FNIP1: variants seen among roughly 807,000 people sequenced by gnomAD.
FNIP1 encodes folliculin interacting protein 1.
FNIP1 carries 40 observed loss-of-function variants against 124.5 expected under a neutral mutation model. That is an observed-to-expected ratio of 0.32 (90% CI 0.25 to 0.42). The LOEUF (loss-of-function observed/expected upper bound fraction) is 0.42, where lower values mean the gene tolerates loss of function less well. Among genes scored for constraint, FNIP1 ranks in the 10% least tolerant of loss-of-function variants. The pLI, the probability that FNIP1 is intolerant of heterozygous loss-of-function variation, is 1.00. For synonymous variants in FNIP1, 472 were observed against 470.6 expected (o/e 1.00, Z -0.04); for missense variants, 1,176 against 1,403.7 (o/e 0.84, Z 2.59).
At chr5:131,776,233 A>C (rs1033185745) in intron 1 of FNIP1, among the ~76,000 whole-genome samples, 12 of 152,316 alleles carry the variant, frequency 7.9e-5, no homozygotes, top group Admixed American at 7.2e-4. Context: ...AGTTTTATCT[A>C]TATCTTCTAC....
intron 1 of FNIP1, among the ~76,000 whole-genome samples, chr5:131,775,964 C>A (rs1218406445): frequency 6.6e-6 from 1 of 152,128 alleles, no homozygotes; most frequent in Non-Finnish European, 1.5e-5. Context: ...TATAGATATG[C>A]CACATTTTTA....
chr5:131,743,041 C>T (rs1243503990), intron 2 of FNIP1, among the ~76,000 whole-genome samples: 1 of 151,942 alleles, frequency 6.6e-6, no homozygotes, highest in African/African-American at 2.4e-5. Context: ...AACAAATACA[C>T]ATACGAATAC....
chr5:131,715,353 G>A (rs992160739), intron 6 of FNIP1, among the ~76,000 whole-genome samples: 10 of 152,078 alleles, frequency 6.6e-5, no homozygotes, highest in African/African-American at 2.4e-4. Flanking sequence ...GGGTGTGATG[G>A]CGCGTGCCTG....
intron 8 of FNIP1, among the ~76,000 whole-genome samples, chr5:131,707,259 A>G (rs1769145040): frequency 6.6e-6 from 1 of 152,064 alleles, no homozygotes; most frequent in South Asian, 2.1e-4. Context: ...AGGCTAGGAG[A>G]TTTTCATCAG....
At chr5:131,708,039 T>C (rs1769171753) in intron 8 of FNIP1, among the ~76,000 whole-genome samples, 1 of 152,144 alleles carries the variant, frequency 6.6e-6, no homozygotes, top group Non-Finnish European at 1.5e-5. Flanking sequence ...AAGATGAGAT[T>C]ACTTGAAAAA....
intron 1 of FNIP1, among the ~76,000 whole-genome samples, chr5:131,767,129 T>A (rs549731756): frequency 8.7e-4 from 132 of 152,166 alleles, no homozygotes; most frequent in African/African-American, 3.1e-3. Context: ...TCTCCTACTA[T>A]CAGGCTTAAA....
chr5:131,768,326 T>C (rs1478322319), intron 1 of FNIP1, among the ~76,000 whole-genome samples: 1 of 152,210 alleles, frequency 6.6e-6, no homozygotes. Context: ...GAAATGTACC[T>C]GGCCTATGTG....
intron 17 of FNIP1, among the ~76,000 whole-genome samples, chr5:131,645,155 AC>A (rs1766843802): frequency 6.6e-6 from 1 of 152,016 alleles, no homozygotes; most frequent in Non-Finnish European, 1.5e-5. Context: ...CCCTGTCTCC[AC>A]AAAAAAATTT....
At chr5:131,749,886 G>A (rs1255601631) in intron 1 of FNIP1, among the ~76,000 whole-genome samples, 2 of 152,042 alleles carry the variant, frequency 1.3e-5, no homozygotes, top group Admixed American at 1.3e-4. Context: ...ACCATCTAGT[G>A]TGTGTAAGTA....
At chr5:131,741,385 A>T (rs1770508915) in intron 2 of FNIP1, among the ~76,000 whole-genome samples, 1 of 152,232 alleles carries the variant, frequency 6.6e-6, no homozygotes, top group Admixed American at 6.5e-5. Flanking sequence ...CATGCAAAGT[A>T]CTTTGGTTTC....
chr5:131,732,648 G>A (rs1446231826), intron 2 of FNIP1, among the ~76,000 whole-genome samples: 1 of 152,130 alleles, frequency 6.6e-6, no homozygotes. Context: ...GTTGATGTGT[G>A]GTATTATTTC....
chr5:131,712,315 C>G (rs1162486191), intron 6 of FNIP1, among the ~76,000 whole-genome samples: 1 of 152,184 alleles, frequency 6.6e-6, no homozygotes, highest in African/African-American at 2.4e-5. Flanking sequence ...CTTATTCTGT[C>G]AACACTTAAA....
Position 131,796,846 on chromosome 5 carries a change from G to A in FNIP1, c.76C>T (p.Pro26Ser), listed in dbSNP as rs775871867. 3 of 1,598,170 alleles carry A rather than the reference G, an allele frequency of 1.9e-6. No individual in the cohort carries two copies. Among genetic ancestry groups the A allele is most frequent in the Admixed American group, 3.4e-5 (2 of 58,174 alleles). ...LGAPGRDARDPDCGFSWPLPE... is the reference protein window; with the variant it reads ...LGAPGRDARDSDCGFSWPLPE... ...GCGCCCTACCTGAACCCGCAATCTG[G>A]GTCCCGGGCGTCGCGGCCGGGCGCG... The change falls in exon 1 of 18, where the codon CCA becomes TCA. Residue 26 changes from proline to serine, a missense_variant. Transcript: ENST00000510461.
At chr5:131,761,596 G>C (rs1396038978) in intron 1 of FNIP1, among the ~76,000 whole-genome samples, 2 of 151,934 alleles carry the variant, frequency 1.3e-5, no homozygotes, top group East Asian at 3.9e-4. Flanking sequence ...AAACAGTGAT[G>C]AAAGAAATTA....
At chr5:131,756,528 A>C (rs1307638654) in intron 1 of FNIP1, among the ~76,000 whole-genome samples, 2 of 152,208 alleles carry the variant, frequency 1.3e-5, no homozygotes, top group Admixed American at 1.3e-4. Context: ...AAAAGAATTT[A>C]AAGGTAATCA....
intron 7 of FNIP1, 143 bp downstream of exon 7, chr5:131,710,435 A>C (rs911331119): frequency 8.9e-6 from 5 of 563,118 alleles, no homozygotes; most frequent in African/African-American, 7.8e-5. Flanking sequence ...AAAGGAATTA[A>C]GTTTTTATAC....
At position 131,679,083 on chromosome 5, in the gene FNIP1, C is replaced by A; in HGVS notation, c.1295G>T (p.Cys432Phe). Residue 432 changes from cysteine (C) to phenylalanine (F), a missense_variant, in exon 12 of 18, where the codon TGC becomes TTC. Transcript: ENST00000510461. The part of the protein sequence containing the change: ...MSGTPEKNHL[C>F]YRFMKEFTFL... ...GGTGAACTCCTTCATGAAACGATAGCAAAGGTGGTTCTTTTCTGGAGTCCC... is the reference window on the plus strand; with the variant it reads ...GGTGAACTCCTTCATGAAACGATAGAAAAGGTGGTTCTTTTCTGGAGTCCC... 1.9e-6 allele frequency: 3 copies of A among 1,612,854 alleles called. No individual in the cohort carries two copies. Among genetic ancestry groups the A allele is most frequent in the Non-Finnish European group, 2.5e-6 (3 of 1,179,364 alleles).
Position 131,730,975 on chromosome 5 carries a change from C to T in FNIP1, c.283G>A (p.Asp95Asn), listed in dbSNP as rs746491096. The change falls in exon 3 of 18, where the codon GAC becomes AAC. Residue 95 changes from aspartate (D) to asparagine (N), a missense_variant. Coordinates refer to ENST00000510461, the MANE Select transcript of FNIP1 (RefSeq NM_133372.3). ...GKCCQLKPGG[D>N]SSSSLDSSVT... ...GAACTATCTAAAGAGGAAGAACTGT[C>T]TCCTCCAGGTTTCAGTTGGCAGCAT... 1 of 1,612,518 alleles carries T rather than the reference C, an allele frequency of 6.2e-7. No individual in the cohort carries two copies. Among genetic ancestry groups the T allele is most frequent in the Non-Finnish European group, 8.5e-7 (1 of 1,178,800 alleles).
At chr5:131,657,998 G>A (rs1441444033) in intron 15 of FNIP1, among the ~76,000 whole-genome samples, 1 of 144,464 alleles carries the variant, frequency 6.9e-6, no homozygotes, top group African/African-American at 2.6e-5. Context: ...CCAAGATCAC[G>A]CCACTGCACT....
Sources: gnomAD v4.1 joint callset for allele counts (sites outside exome capture counted in the v4.1 genomes callset) on GRCh38, gnomAD v4.1.1 for gene constraint, MANE v1.5 for transcripts, NCBI Gene and HGNC (gene_info 2026-07-23, HGNC 2026-07-21) for gene names.